GAL: variants seen among roughly 807,000 people sequenced by gnomAD.
GAL encodes the protein galanin peptides.
A neutral mutation model predicts 15.8 loss-of-function variants in GAL; 14 were observed. The ratio of observed to expected loss-of-function variants is 0.89; its 90% CI spans 0.59 to 1.39. The LOEUF is 1.39. Among genes scored for constraint, GAL ranks in the 40% most tolerant of loss-of-function variants. The probability of loss-of-function intolerance (pLI) is 0.00; values close to 1 mark genes in which losing one functional copy is unlikely to be tolerated. For synonymous variants in GAL, 79 were observed against 73.8 expected (o/e 1.07, Z -0.36); for missense variants, 176 against 170.4 (o/e 1.03, Z -0.18).
intron 4 of GAL, among the ~76,000 whole-genome samples, chr11:68,688,502 G>A (rs547509598): frequency 6.6e-6 from 1 of 152,324 alleles, no homozygotes; most frequent in Admixed American, 6.5e-5. Flanking sequence ...GGTGGTGGGT[G>A]CCTGTCATCC....
intron 5 of GAL, among the ~76,000 whole-genome samples, chr11:68,689,672 C>G (rs149011036): frequency 6.6e-6 from 1 of 152,360 alleles, no homozygotes; most frequent in East Asian, 1.9e-4. Context: ...GCTGGGATTA[C>G]AGGCGTGAGC....
intron 1 of GAL, 46 bp from the exon 2 acceptor site, chr11:68,684,878 A>AGCCCACTCCGGGTTCCGACCCGCCC (rs1192791070): frequency 8.1e-7 from 1 of 1,227,124 alleles, no homozygotes; most frequent in Non-Finnish European, 1.2e-6. Context: ...CTCGGGGCGC[A>AGCCCACTCCGGGTTCCGACCCGCCC]GCCCACTCCG....
intron 5 of GAL, among the ~76,000 whole-genome samples, chr11:68,689,194 C>T (rs1278252167): frequency 6.6e-6 from 1 of 152,018 alleles, no homozygotes; most frequent in African/African-American, 2.4e-5. Context: ...CCTCAGGGTG[C>T]AGCTCATTCT....
Position 68,685,013 on chromosome 11 carries a change from G to GAGCGAA in GAL, c.81+9_81+10insAGCGAA, listed in dbSNP as rs1166229731. 6.4e-7 allele frequency: 1 copy of GAGCGAA among 1,571,966 alleles called. No homozygotes were observed. The highest frequency in any genetic ancestry group is 8.7e-7 in the Non-Finnish European group (1 of 1,153,000). ...CGGGGCTCTGGTCGCCGGTAAGTGC[G>GAGCGAA]GGGCGCGTCTCCTCCGAGCGAAGGG... On this transcript the variant is annotated intron_variant, in intron 2 of 5. Coordinates refer to ENST00000265643, the MANE Select transcript of GAL (RefSeq NM_015973.5).
At chr11:68,688,121 G>C in intron 4 of GAL, 21 bp downstream of exon 4, 1 of 1,499,440 alleles carries the variant, frequency 6.7e-7, no homozygotes. Flanking sequence ...TCCTATCCCG[G>C]GCCCCGGGGC....
rs1945830951 is a variant in GAL at position 68,684,622 on chromosome 11, C to T, written c.-111C>T. The T allele has an allele frequency of 7.0e-6, 2 of 285,250 alleles. No individual in the cohort carries two copies. Among genetic ancestry groups the T allele is most frequent in the Admixed American group, 1.1e-4 (2 of 18,968 alleles). The allele number at this position is 285,250 out of a possible 1,614,324, so 17.7% of individuals were successfully genotyped here. On this transcript the variant is annotated 5_prime_UTR_variant, in exon 1 of 6. Coordinates refer to ENST00000265643, the MANE Select transcript of GAL (RefSeq NM_015973.5). ...GCCGGCCGCGCCATGCGGTGAGCGC[C>T]CCAGGCCGCCAGAGCCCACCCGACC...
In GAL at chr11:68,685,850, T is replaced by C. The variant is rs12289299; in HGVS notation, c.136+202T>C. Among the ~76,000 whole-genome samples, 1,046 of 152,316 alleles carry C rather than the reference T, an allele frequency of 6.9e-3. 13 individuals carry two copies. The highest frequency in any genetic ancestry group is 0.024 in the African/African-American group (987 of 41,568). ...CTCCTGCCCCGGCTCTGCCGCCCTG[T>C]CCCGGGGTGAGATTCCCACCCTGGG... is the stretch of plus-strand genomic sequence containing the variant. On this transcript the variant is annotated intron_variant, in intron 3 of 5. Transcript: ENST00000265643.
intron 3 of GAL, among the ~76,000 whole-genome samples, chr11:68,686,899 CAAG>C (rs1945858524): frequency 6.6e-6 from 1 of 152,200 alleles, no homozygotes; most frequent in African/African-American, 2.4e-5. Flanking sequence ...ATCTATTTGT[CAAG>C]AAGAGTTTGA....
At chr11:68,689,185 C>T (rs1566303647) in intron 5 of GAL, among the ~76,000 whole-genome samples, 1 of 152,090 alleles carries the variant, frequency 6.6e-6, no homozygotes, top group African/African-American at 2.4e-5. Context: ...GAGAGTGGGC[C>T]TCAGGGTGCA....
chr11:68,688,903 TTCTG>T lies in GAL; in HGVS notation c.282_285del (p.Phe96CysfsTer39), dbSNP rs756234275. On this transcript the variant is annotated frameshift_variant, in exon 5 of 6. Coordinates refer to ENST00000265643, the MANE Select transcript of GAL (RefSeq NM_015973.5). LOFTEE classifies it low-confidence loss of function (END_TRUNC). ...AATATCATGCGCACAATCATTGAGTTTCTGTCTTTCTTGCATCTCAAAGGTATGT... is the reference window on the plus strand; with the variant it reads ...AATATCATGCGCACAATCATTGAGTTTCTTTCTTGCATCTCAAAGGTATGT... The T allele has an allele frequency of 1.9e-6, 3 of 1,545,006 alleles. No individual in the cohort carries two copies. Among genetic ancestry groups the T allele is most frequent in the South Asian group, 1.1e-5 (1 of 89,624 alleles).
intron 5 of GAL, among the ~76,000 whole-genome samples, chr11:68,690,082 G>A (rs1311975766): frequency 6.6e-6 from 1 of 151,984 alleles, no homozygotes; most frequent in Non-Finnish European, 1.5e-5. Flanking sequence ...GGCAGTGGTG[G>A]GGAGGAGGGA....
chr11:68,684,695 C>G lies in GAL; in HGVS notation c.-38C>G. On this transcript the variant is annotated 5_prime_UTR_variant, in exon 1 of 6. Transcript: ENST00000265643. ...GCCCAGACCCGCCACCGCACCCGGA[C>G]CCCGACGCTCCGAACCCGGGCGCAG... The G allele has an allele frequency of 4.9e-6, 2 of 406,360 alleles. No individual in the cohort carries two copies. Among genetic ancestry groups the G allele is most frequent in the Admixed American group, 4.5e-5 (1 of 22,356 alleles). The allele number at this position is 406,360 out of a possible 1,614,324, so 25.2% of individuals were successfully genotyped here. A position where few individuals can be genotyped will look rare whatever the true frequency, so the allele number is the denominator to read the frequency against.
chr11:68,685,359 C>T (rs1486131123), intron 2 of GAL, among the ~76,000 whole-genome samples: 1 of 152,258 alleles, frequency 6.6e-6, no homozygotes, highest in Non-Finnish European at 1.5e-5. Flanking sequence ...AAAGCAGGTG[C>T]AGTGCGCTGA....
Position 68,688,917 on chromosome 11 carries a change from C to T in GAL, c.292C>T (p.His98Tyr). The T allele has an allele frequency of 6.7e-7, 1 of 1,500,714 alleles. No homozygotes were observed. Among genetic ancestry groups the T allele is most frequent in the East Asian group, 2.3e-5 (1 of 44,392 alleles). 93.0% of individuals were successfully genotyped at this position (1,500,714 alleles called of 1,614,324 possible). The change falls in exon 5 of 6, where the codon CAT becomes TAT. Residue 98 changes from histidine to tyrosine, a missense_variant. His to Tyr is a moderately conservative substitution (Grantham distance 83). Coordinates refer to ENST00000265643, the MANE Select transcript of GAL (RefSeq NM_015973.5). ...AATCATTGAGTTTCTGTCTTTCTTGCATCTCAAAGGTATGTGAAATATCAT... is the reference window on the plus strand; with the variant it reads ...AATCATTGAGTTTCTGTCTTTCTTGTATCTCAAAGGTATGTGAAATATCAT... ...RTIIEFLSFL[H>Y]LKEAGALDRL...
chr11:68,688,656 C>T (rs140213353), intron 4 of GAL, among the ~76,000 whole-genome samples, 193 bp from the exon 5 acceptor site: 3 of 152,086 alleles, frequency 2.0e-5, no homozygotes, highest in Admixed American at 6.5e-5. Flanking sequence ...AGAAGAAAAG[C>T]GAGGCCTCGA....
At chr11:68,685,859 G>A (rs992688081) in intron 3 of GAL, among the ~76,000 whole-genome samples, 1 of 151,980 alleles carries the variant, frequency 6.6e-6, no homozygotes, top group African/African-American at 2.4e-5. Context: ...GTCCCGGGGT[G>A]AGATTCCCAC....
intron 5 of GAL, among the ~76,000 whole-genome samples, chr11:68,690,362 T>G (rs1377671477): frequency 6.6e-6 from 1 of 152,114 alleles, no homozygotes; most frequent in Non-Finnish European, 1.5e-5. Flanking sequence ...GATCAGGATG[T>G]TTTTCATTTG....
In GAL at chr11:68,685,599, G is replaced by A; in HGVS notation, c.87G>A (p.Lys29=). The change falls in exon 3 of 6, where the codon AAG becomes AAA. Residue 29 remains lysine (K), a synonymous_variant. Transcript: ENST00000265643. ...TCCCCTTTTCTCCCTTCAAGGCCAA[G>A]GAAAAACGAGGCTGGACCCTGAACA... ...SASAGLWSPA[K]EKRGWTLNSA... is the part of the protein sequence containing the mutation. 6.2e-7 allele frequency: 1 copy of A among 1,613,192 alleles called. No individual in the cohort carries two copies. Among genetic ancestry groups the A allele is most frequent in the Non-Finnish European group, 8.5e-7 (1 of 1,179,164 alleles).
rs954521197 is a variant in GAL, at chr11:68,689,028, G to A, written c.301+102G>A. 1.3e-5 allele frequency: 9 copies of A among 680,496 alleles called. No individual in the cohort carries two copies. In the East Asian group the frequency reaches 1.6e-4, roughly 12 times the overall value. 42.2% of individuals were successfully genotyped at this position (680,496 alleles called of 1,614,324 possible). On this transcript the variant is annotated intron_variant, in intron 5 of 5. Coordinates refer to ENST00000265643, the MANE Select transcript of GAL (RefSeq NM_015973.5). ...CATAGAATCCCCCTGGGAAGTAGCCGATTACTTATCTACGTACAAAGTCCT... is the reference window on the plus strand; with the variant it reads ...CATAGAATCCCCCTGGGAAGTAGCCAATTACTTATCTACGTACAAAGTCCT...
Sources: allele counts gnomAD v4.1 joint callset (sites outside exome capture counted in the v4.1 genomes callset), GRCh38; gene constraint gnomAD v4.1.1; transcripts MANE v1.5; gene names NCBI Gene and HGNC (gene_info 2026-07-23, HGNC 2026-07-21).